SDK2: variants seen among roughly 807,000 people sequenced by gnomAD.
SDK2 encodes sidekick cell adhesion molecule 2.
Under a neutral mutation model 253.9 loss-of-function variants are expected in SDK2, and 105 were observed. The ratio of observed to expected loss-of-function variants is 0.41; its 90% confidence interval spans 0.35 to 0.49. The LOEUF (loss-of-function observed/expected upper bound fraction) is 0.49, where lower values mean the gene tolerates loss of function less well. Ranked by LOEUF, SDK2 falls within the 20% of genes least tolerant of loss-of-function variation. The pLI is 0.06. For synonymous variants in SDK2, 1,249 were observed against 1,234.9 expected, an observed-to-expected ratio of 1.01 and a Z score of -0.24; for missense variants, 2,608 against 3,003.0, an observed-to-expected ratio of 0.87 and a Z score of 3.07.
At chr17:73,438,631 A>AAGACAGACAGACAGACAGACAGACAGAC (rs34644814) in intron 6 of SDK2, among the ~76,000 whole-genome samples, 2 of 146,554 alleles carry the variant, frequency 1.4e-5, no homozygotes, top group African/African-American at 5.4e-5. Flanking sequence ...AAGGGCAGAC[A>AAGACAGACAGACAGACAGACAGACAGAC]AGACAGACAG....
At chr17:73,392,432 C>T (rs536530304) in intron 27 of SDK2, among the ~76,000 whole-genome samples, 3 of 152,212 alleles carry the variant, frequency 2.0e-5, no homozygotes, top group African/African-American at 4.8e-5. Flanking sequence ...CCACACCCGG[C>T]TAATTTTTAT....
chr17:73,385,734 G>A (rs930507902), intron 32 of SDK2, 113 bp downstream of exon 32: 7 of 947,312 alleles, frequency 7.4e-6, no homozygotes, highest in African/African-American at 3.3e-5. Flanking sequence ...AGGCGCTCTG[G>A]GGGCAGAGAA....
chr17:73,472,265 G>A (rs776809222), intron 2 of SDK2, 47 bp from the exon 3 acceptor site: 2 of 1,394,552 alleles, frequency 1.4e-6, no homozygotes, highest in African/African-American at 1.4e-5. Flanking sequence ...GCAGCTGCAG[G>A]GGTACAGAGG....
chr17:73,500,665 C>T (rs1406946754), intron 2 of SDK2, among the ~76,000 whole-genome samples: 1 of 141,828 alleles, frequency 7.1e-6, no homozygotes, highest in Non-Finnish European at 1.6e-5. Context: ...CTCACTCCAT[C>T]TCCTCCATCC....
chr17:73,365,393 G>C lies in SDK2; in HGVS notation c.5170C>G (p.Pro1724Ala). The C allele has an allele frequency of 6.2e-7, 1 of 1,606,240 alleles. No individual in the cohort carries two copies. Among genetic ancestry groups the C allele is most frequent in the Non-Finnish European group, 8.5e-7 (1 of 1,177,068 alleles). Residue 1724 changes from proline (P) to alanine (A), a missense_variant and splice_region_variant, in exon 38 of 45, where the codon CCC (proline) becomes GCC (alanine). By Grantham distance (27) the Pro-to-Ala change is conservative. This residue lies in a region of SDK2 where 1,103 missense variants were observed against 1,143.9 expected (regional missense o/e 0.96). Transcript: ENST00000392650. ...AACTTGACCGAGCTGGGAGCGCTGG[G>C]GGCTGCGGGAGACAGCAAAGGGTTT... is the stretch of plus-strand genomic sequence containing the variant. The part of the protein sequence containing the change: ...PTQGQTQQAA[P>A]SAPSSVKFSE...
At chr17:73,610,613 G>A (rs1029639089) in intron 1 of SDK2, among the ~76,000 whole-genome samples, 5 of 152,142 alleles carry the variant, frequency 3.3e-5, no homozygotes, top group African/African-American at 7.2e-5. Flanking sequence ...CGAGGGAGGC[G>A]GGGAGTGAGT....
chr17:73,422,499 C>T (rs1285305643), intron 14 of SDK2, 65 bp from the exon 15 acceptor site: 4 of 1,559,388 alleles, frequency 2.6e-6, no homozygotes, highest in African/African-American at 1.4e-5. Context: ...CTTCTTACTC[C>T]CCACTCCCAG....
At chr17:73,414,330 G>A (rs2063162568) in intron 18 of SDK2, among the ~76,000 whole-genome samples, 2 of 151,986 alleles carry the variant, frequency 1.3e-5, no homozygotes, top group South Asian at 2.1e-4. Context: ...TTACAGATGT[G>A]AGCCACTGTG....
intron 1 of SDK2, among the ~76,000 whole-genome samples, chr17:73,510,094 C>T (rs1433091188): frequency 6.6e-6 from 1 of 151,684 alleles, no homozygotes; most frequent in Non-Finnish European, 1.5e-5. Flanking sequence ...TAAGGAAGGC[C>T]CAGAGCCCAG....
At chr17:73,363,886 C>T (rs114871751) in intron 38 of SDK2, among the ~76,000 whole-genome samples, 1,808 of 152,130 alleles carry the variant, frequency 0.012, 44 homozygotes, top group African/African-American at 0.042. Context: ...CCTGCTGGGG[C>T]CTGGCTCCCC....
Position 73,642,236 on chromosome 17 carries a change from C to T in SDK2, c.64+1789G>A, listed in dbSNP as rs1338013950. Among the ~76,000 whole-genome samples, 2 of 152,172 alleles carry T rather than the reference C, an allele frequency of 1.3e-5. No individual in the cohort carries two copies. Among genetic ancestry groups the T allele is most frequent in the African/African-American group, 2.4e-5 (1 of 41,430 alleles). On this transcript the variant is annotated intron_variant, in intron 1 of 44. Transcript: ENST00000392650. This position sits in a 1 kb window ranked among gnomAD's most constrained non-coding sequence, Gnocchi z 4.7. Reference sequence around the variant, plus strand: ...CACATGAAGACCCCAAAGCAAGGGCCATCAGGTGCCCTGGGGACTCTATAA... The same window carrying T: ...CACATGAAGACCCCAAAGCAAGGGCTATCAGGTGCCCTGGGGACTCTATAA...
chr17:73,397,085 G>A (rs1019171788), intron 24 of SDK2, among the ~76,000 whole-genome samples: 7 of 152,236 alleles, frequency 4.6e-5, no homozygotes, highest in East Asian at 1.9e-4. Flanking sequence ...GAGATCTTAC[G>A]TGGAAACAAA....
At chr17:73,507,700 C>A (rs1343150434) in intron 1 of SDK2, 103 bp from the exon 2 acceptor site, 2 of 1,279,668 alleles carry the variant, frequency 1.6e-6, no homozygotes, top group South Asian at 1.6e-5. Context: ...GCAGGTGCAG[C>A]CAGGTAATTT....
chr17:73,565,018 A>G (rs2045292335), intron 1 of SDK2, among the ~76,000 whole-genome samples: 1 of 152,184 alleles, frequency 6.6e-6, no homozygotes, highest in African/African-American at 2.4e-5. Context: ...TTTAGAAGAT[A>G]GAAATGGCAC....
chr17:73,485,777 T>A (rs1264456330), intron 2 of SDK2, among the ~76,000 whole-genome samples: 2 of 152,254 alleles, frequency 1.3e-5, no homozygotes, highest in African/African-American at 4.8e-5. Flanking sequence ...ACACAGCGTC[T>A]GCAGCTGCTC....
rs771323126 is a variant in SDK2 at position 73,433,759 on chromosome 17, G to A, written c.1285C>T (p.Pro429Ser). ...VVLACETSGA[P>S]RPAITWQKGE... ...TTCTGCCAAGTGATAGCTGGTCGGG[G>A]CGCCCCCGAGGTCTCACATGCTAGC... The change falls in exon 10 of 45, where the codon CCC becomes TCC. Residue 429 changes from proline to serine, a missense_variant. By Grantham distance (74) the Pro-to-Ser change is moderately conservative (BLOSUM62 -1). Transcript: ENST00000392650. 3.1e-6 allele frequency: 5 copies of A among 1,607,718 alleles called. No individual in the cohort carries two copies. The highest frequency in any genetic ancestry group is 4.2e-6 in the Non-Finnish European group (5 of 1,177,250).
intron 8 of SDK2, among the ~76,000 whole-genome samples, chr17:73,437,335 A>C (rs542564431): frequency 6.6e-6 from 1 of 152,122 alleles, no homozygotes; most frequent in Non-Finnish European, 1.5e-5. Context: ...GGGAGCTGGC[A>C]GAGGAGATGG....
intron 1 of SDK2, among the ~76,000 whole-genome samples, chr17:73,559,787 C>T (rs2045203764): frequency 6.6e-6 from 1 of 152,118 alleles, no homozygotes; most frequent in African/African-American, 2.4e-5. Flanking sequence ...GCCTGTGCTC[C>T]CGAATCATAA....
chr17:73,350,247 G>C lies in SDK2; in HGVS notation c.6028C>G (p.Leu2010Val), dbSNP rs2062524261. ...CAGAGGGCCCAGTACCTGGTGTACA[G>C]GCCGTTCTTTCGGCAGAAAGAGTTC... is the stretch of plus-strand genomic sequence containing the variant. Reference protein sequence around the residue: ...VKNSFCRKNGLYTRSPPRPSP... With the variant: ...VKNSFCRKNGVYTRSPPRPSP... Residue 2010 changes from leucine to valine, a missense_variant, in exon 43 of 45, where the codon CTG (leucine) becomes GTG (valine). By Grantham distance (32) the Leu-to-Val change is conservative. Coordinates refer to ENST00000392650, the MANE Select transcript of SDK2 (RefSeq NM_001144952.2). 1 of 1,122,510 alleles carries C rather than the reference G, an allele frequency of 8.9e-7. No homozygotes were observed. Among genetic ancestry groups the C allele is most frequent in the African/African-American group, 2.4e-5 (1 of 42,298 alleles). 69.5% of individuals were successfully genotyped at this position (1,122,510 alleles called of 1,614,324 possible). A position where few individuals can be genotyped will look rare whatever the true frequency, so the allele number is the denominator to read the frequency against.
Sources: allele counts gnomAD v4.1 joint callset (sites outside exome capture counted in the v4.1 genomes callset), GRCh38; gene constraint gnomAD v4.1.1; regional missense constraint gnomAD v4.1.1; non-coding constraint Gnocchi (gnomAD v3.1); transcripts MANE v1.5; gene names NCBI Gene and HGNC (gene_info 2026-07-23, HGNC 2026-07-21).